Variants in SLC29A2 observed in about 807,000 individuals in gnomAD.
The protein encoded by SLC29A2 is solute carrier family 29 member 2, also known as equilibrative nucleoside transporter 2.
In SLC29A2, 37 loss-of-function variants were observed where a neutral mutation model predicts 48.8. The ratio of observed to expected loss-of-function variants is 0.76; its 90% CI spans 0.58 to 1.00. The LOEUF (loss-of-function observed/expected upper bound fraction) is 1.00, where lower values mean the gene tolerates loss of function less well. SLC29A2 is among the 50% of genes least tolerant of loss of function. SLC29A2 has a pLI of 0.00. For synonymous variants in SLC29A2, 233 were observed against 261.7 expected (o/e 0.89, Z 1.06); for missense variants, 533 against 578.6 (o/e 0.92, Z 0.81).
In SLC29A2 at chr11:66,363,286, G is replaced by A; in HGVS notation, c.*150C>T. 1.4e-6 allele frequency: 1 copy of A among 705,068 alleles called. No individual in the cohort carries two copies. Among genetic ancestry groups the A allele is most frequent in the Non-Finnish European group, 2.6e-6 (1 of 382,330 alleles). The allele number at this position is 705,068 out of a possible 1,614,324, so 43.7% of individuals were successfully genotyped here. On this transcript the variant is annotated 3_prime_UTR_variant, in exon 12 of 12. Coordinates refer to ENST00000357440, the MANE Select transcript of SLC29A2 (RefSeq NM_001532.3). ...CCCCACAGCACTCCAAGTGGATGAAGAGCAGCTCCTGCCCGCTGCTGGCAG... is the reference window on the plus strand; with the variant it reads ...CCCCACAGCACTCCAAGTGGATGAAAAGCAGCTCCTGCCCGCTGCTGGCAG...
chr11:66,366,227 C>G lies in SLC29A2; in HGVS notation c.872G>C (p.Trp291Ser), dbSNP rs1855683950. 1.2e-6 allele frequency: 2 copies of G among 1,613,846 alleles called. No homozygotes were observed. Among genetic ancestry groups the G allele is most frequent in the Non-Finnish European group, 1.7e-6 (2 of 1,179,888 alleles). The change falls in exon 9 of 12, where the codon TGG becomes TCG. Residue 291 changes from tryptophan to serine, a missense_variant. Transcript: ENST00000357440. ...PSVFTVFQKI[W>S]LTALCLVLVF... ...CAACACAAGGCACAGCGCTGTCAGCCAGATCTGGGAGCCAGAGGCAGGGGT... is the reference window on the plus strand; with the variant it reads ...CAACACAAGGCACAGCGCTGTCAGCGAGATCTGGGAGCCAGAGGCAGGGGT...
Position 66,369,432 on chromosome 11 carries a change from AC to A in SLC29A2, c.211del (p.Val71Ter). ...CAGGGGCAGCTGGGACAGCAGCGTC[AC>A]CCAATTGTTGAAGTTGAAGGCATCC... ...PEDAFNFNNW[V>X]TLLSQLPLLL... On this transcript the variant is annotated frameshift_variant, in exon 3 of 12. Transcript: ENST00000357440. LOFTEE classifies it high-confidence loss of function. 2 of 1,614,036 alleles carry A rather than the reference AC, an allele frequency of 1.2e-6. No individual in the cohort carries two copies. Among genetic ancestry groups the A allele is most frequent in the Non-Finnish European group, 1.7e-6 (2 of 1,179,972 alleles).
intron 2 of SLC29A2, among the ~76,000 whole-genome samples, chr11:66,370,858 C>CAAAAAA (rs35962792): frequency 3.3e-5 from 3 of 92,242 alleles, no homozygotes; most frequent in Non-Finnish European, 6.4e-5. Flanking sequence ...GACTCTGTCT[C>CAAAAAA]AAAAAAAAAA....
Position 66,369,276 on chromosome 11 carries a change from C to G in SLC29A2, c.276-77G>C, listed in dbSNP as rs1172569887. On this transcript the variant is annotated intron_variant, in intron 3 of 11. Coordinates refer to ENST00000357440, the MANE Select transcript of SLC29A2 (RefSeq NM_001532.3). ...GGGGAAGGAGGCTCGACACCTGGGGCTGGGCAGTAGGGCTGGGGGGCAGGG... is the reference window on the plus strand; with the variant it reads ...GGGGAAGGAGGCTCGACACCTGGGGGTGGGCAGTAGGGCTGGGGGGCAGGG... 8 of 1,587,280 alleles carry G rather than the reference C, an allele frequency of 5.0e-6. No individual in the cohort carries two copies. In the Admixed American group the frequency reaches 5.3e-5, roughly 10 times the overall value.
chr11:66,370,392 A>G (rs768549333), intron 2 of SLC29A2, among the ~76,000 whole-genome samples: 1 of 152,190 alleles, frequency 6.6e-6, no homozygotes, highest in Non-Finnish European at 1.5e-5. Context: ...TCCAGGGCCC[A>G]GCACAGAGCC....
In SLC29A2 at chr11:66,363,494, A is replaced by G; in HGVS notation, c.1313T>C (p.Leu438Pro). Residue 438 changes from leucine (L) to proline (P), a missense_variant, in exon 12 of 12, where the codon CTG becomes CCG. Transcript: ENST00000357440. ...EVAGALMTFF[L>P]ALGLSCGASL... ...GGCTCCACAGGAAAGTCCCAGGGCC[A>G]GGAAGAAGGTCATGAGGGCGCCGGC... 1 of 1,614,184 alleles carries G rather than the reference A, an allele frequency of 6.2e-7. No homozygotes were observed. Among genetic ancestry groups the G allele is most frequent in the Non-Finnish European group, 8.5e-7 (1 of 1,180,008 alleles).
intron 5 of SLC29A2, 41 bp from the exon 6 acceptor site, chr11:66,367,910 C>T (rs1855802279): frequency 6.5e-7 from 1 of 1,542,120 alleles, no homozygotes; most frequent in Non-Finnish European, 8.9e-7. Flanking sequence ...GCACCTGGTC[C>T]CGCCGGCTCC....
At chr11:66,365,152 G>A (rs924365078) in intron 10 of SLC29A2, among the ~76,000 whole-genome samples, 3 of 152,026 alleles carry the variant, frequency 2.0e-5, no homozygotes, top group South Asian at 2.1e-4. Context: ...TGATCCACCC[G>A]CCTCGGCCTC....
chr11:66,364,026 G>T (rs1196543032), intron 11 of SLC29A2, among the ~76,000 whole-genome samples, 199 bp downstream of exon 11: 1 of 152,170 alleles, frequency 6.6e-6, no homozygotes, highest in Admixed American at 6.5e-5. Flanking sequence ...ACTTGGTTGG[G>T]CGGGTACCTC....
chr11:66,362,865 G>A lies in SLC29A2; in HGVS notation c.*571C>T, dbSNP rs753102720. ...CAGTACACACATGCAGGCTAGCTGT[G>A]GCCCTGGGGCCCAGGCCCAGCTGGG... On this transcript the variant is annotated 3_prime_UTR_variant, in exon 12 of 12. Coordinates refer to ENST00000357440, the MANE Select transcript of SLC29A2 (RefSeq NM_001532.3). 5.5e-4 allele frequency: 98 copies of A among 178,598 alleles called. No homozygotes were observed. Among genetic ancestry groups the A allele is most frequent in the Non-Finnish European group, 1.0e-3 (87 of 83,162 alleles). The allele number at this position is 178,598 out of a possible 1,614,324, so 11.1% of individuals were successfully genotyped here.
At chr11:66,365,038 C>G (rs1276411108) in intron 10 of SLC29A2, among the ~76,000 whole-genome samples, 1 of 151,550 alleles carries the variant, frequency 6.6e-6, no homozygotes, top group African/African-American at 2.4e-5. Context: ...CCTCTGCCTC[C>G]CTGGGATTAC....
chr11:66,364,484 T>A, intron 10 of SLC29A2, 60 bp from the exon 11 acceptor site: 1 of 1,264,412 alleles, frequency 7.9e-7, no homozygotes, highest in Non-Finnish European at 1.1e-6. Flanking sequence ...CCAGGGCATC[T>A]CAGGACACCC....
intron 5 of SLC29A2, among the ~76,000 whole-genome samples, chr11:66,368,111 T>C (rs1320251984): frequency 6.6e-6 from 1 of 152,216 alleles, no homozygotes. Context: ...CCTTCTCTCA[T>C]TGCATGCTCA....
chr11:66,365,890 A>G, intron 10 of SLC29A2, 46 bp downstream of exon 10: 1 of 1,577,380 alleles, frequency 6.3e-7, no homozygotes, highest in Non-Finnish European at 8.7e-7. Flanking sequence ...CTCGGATCCC[A>G]AACTGCTTCC....
At chr11:66,368,773 G>C (rs1855855821) in intron 4 of SLC29A2, 102 bp from the exon 5 acceptor site, 2 of 1,481,596 alleles carry the variant, frequency 1.3e-6, no homozygotes, top group African/African-American at 2.8e-5. Context: ...GGACAAGGTT[G>C]CGCAGGTGTG....
At chr11:66,365,050 G>T (rs1284247025) in intron 10 of SLC29A2, among the ~76,000 whole-genome samples, 1 of 151,800 alleles carries the variant, frequency 6.6e-6, no homozygotes, top group Admixed American at 6.6e-5. Context: ...TGGGATTACA[G>T]GTGTGCACCA....
intron 10 of SLC29A2, chr11:66,364,727 G>A (rs1009400656): frequency 1.1e-5 from 3 of 279,470 alleles, no homozygotes; most frequent in Non-Finnish European, 1.4e-5. Context: ...GGCTGGTCTC[G>A]AACTTCTGAC....
Position 66,364,320 on chromosome 11 carries a change from G to A in SLC29A2, c.1164C>T (p.Ile388=). 1 of 1,614,046 alleles carries A rather than the reference G, an allele frequency of 6.2e-7. No homozygotes were observed. The change falls in exon 11 of 12, where the codon ATC becomes ATT. Residue 388 remains isoleucine (I), a synonymous_variant. Coordinates refer to ENST00000357440, the MANE Select transcript of SLC29A2 (RefSeq NM_001532.3). ...TGAAGTAGGCATCCTGTGGGAAGAG[G>A]ATGGGCAGCCGGGACCTCTGGGGCA... ...CHVPQRSRLP[I]LFPQDAYFIT...
Position 66,366,190 on chromosome 11 carries a change from G to T in SLC29A2, c.909C>A (p.Val303=). The part of the protein sequence containing the change: ...TALCLVLVFT[V]TLSVFPAITA... ...TGATGGCGGGGAAGACGGACAGGGT[G>T]ACTGTGAAGACCAACACAAGGCACA... The change falls in exon 9 of 12, where the codon GTC becomes GTA. Residue 303 remains valine, a synonymous_variant. Transcript: ENST00000357440. 1.9e-6 allele frequency: 3 copies of T among 1,614,204 alleles called. No homozygotes were observed. Among genetic ancestry groups the T allele is most frequent in the South Asian group, 2.2e-5 (2 of 91,056 alleles).
Sources: gnomAD v4.1 joint callset for allele counts (sites outside exome capture counted in the v4.1 genomes callset) on GRCh38, gnomAD v4.1.1 for gene constraint, MANE v1.5 for transcripts, NCBI Gene and HGNC (gene_info 2026-07-23, HGNC 2026-07-21) for gene names.